The following SKAP2 variants were observed in gnomAD, a reference collection of about 807,000 sequenced individuals.
SKAP2 encodes src kinase-associated phosphoprotein 2.
SKAP2 carries 28 observed loss-of-function variants against 54.9 expected under a neutral mutation model. The ratio of observed to expected loss-of-function variants is 0.51; its 90% CI spans 0.38 to 0.70. The LOEUF is 0.70. SKAP2 is among the 30% of genes least tolerant of loss of function. SKAP2 has a pLI of 0.00. For missense variants in SKAP2, 356 were observed against 424.1 expected (o/e 0.84, Z 1.41); for synonymous variants, 137 against 134.3 (o/e 1.02, Z -0.14).
At position 26,667,739 on chromosome 7, in the gene SKAP2, T is replaced by C. The variant is rs1310179661; in HGVS notation, c.*1927A>G. ...GGGAAGGGTTTCAAGAGGTTTTGTC[T>C]GCAATGAAAAGCTGCTGCCATCTAC... On this transcript the variant is annotated 3_prime_UTR_variant, in exon 13 of 13. Transcript: ENST00000345317. 1 of 152,588 alleles carries C rather than the reference T, an allele frequency of 6.6e-6. No individual in the cohort carries two copies. The highest frequency in any genetic ancestry group is 6.6e-5 in the Admixed American group (1 of 15,266). The allele number at this position is 152,588 out of a possible 1,614,324, so 9.5% of individuals were successfully genotyped here. A position where few individuals can be genotyped will look rare whatever the true frequency, so the allele number is the denominator to read the frequency against.
At chr7:26,753,010 T>C (rs1476941829) in intron 4 of SKAP2, among the ~76,000 whole-genome samples, 1 of 152,222 alleles carries the variant, frequency 6.6e-6, no homozygotes, top group African/African-American at 2.4e-5. Flanking sequence ...TTGTTATCCA[T>C]ATAACTGAGT....
intron 4 of SKAP2, among the ~76,000 whole-genome samples, chr7:26,816,100 T>C (rs1784260130): frequency 6.6e-6 from 1 of 152,072 alleles, no homozygotes; most frequent in Non-Finnish European, 1.5e-5. Context: ...ACTTAACACG[T>C]TTTCTAACAA....
chr7:26,820,610 T>C (rs768409831), intron 4 of SKAP2, among the ~76,000 whole-genome samples: 1 of 152,122 alleles, frequency 6.6e-6, no homozygotes, highest in Non-Finnish European at 1.5e-5. Flanking sequence ...ATAAAAAAGA[T>C]CACAGAAATT....
At chr7:26,795,009 G>T (rs1690424664) in intron 4 of SKAP2, among the ~76,000 whole-genome samples, 1 of 152,178 alleles carries the variant, frequency 6.6e-6, no homozygotes, top group African/African-American at 2.4e-5. Context: ...GTTAATAGAG[G>T]TTTGGCACAA....
chr7:26,819,402 C>T (rs866450372), intron 4 of SKAP2, among the ~76,000 whole-genome samples: 1 of 151,970 alleles, frequency 6.6e-6, no homozygotes, highest in Non-Finnish European at 1.5e-5. Context: ...GAACATCACA[C>T]ACCTGCACCT....
At chr7:26,836,334 T>C (rs1234318661) in intron 4 of SKAP2, among the ~76,000 whole-genome samples, 1 of 152,190 alleles carries the variant, frequency 6.6e-6, no homozygotes, top group African/African-American at 2.4e-5. Context: ...AAAGCCAGAA[T>C]TGACAAATGC....
chr7:26,756,465 A>G (rs11979611), intron 4 of SKAP2, among the ~76,000 whole-genome samples: 16,015 of 152,164 alleles, frequency 0.11, 1,111 homozygotes, highest in African/African-American at 0.19. Context: ...GCTGAGAATG[A>G]TGGTTTCCAG....
At chr7:26,844,995 C>T (rs1784894826) in intron 3 of SKAP2, among the ~76,000 whole-genome samples, 1 of 152,096 alleles carries the variant, frequency 6.6e-6, no homozygotes, top group Non-Finnish European at 1.5e-5. Flanking sequence ...CAAATATTTG[C>T]TAGCCCAGTT....
chr7:26,843,908 G>A (rs1190010970), intron 4 of SKAP2, 122 bp downstream of exon 4: 4 of 618,622 alleles, frequency 6.5e-6, no homozygotes, highest in Non-Finnish European at 8.5e-6. Flanking sequence ...TCCTTAAAAG[G>A]TTTTGGTAAA....
At chr7:26,746,828 A>G (rs543022358) in intron 4 of SKAP2, 1 of 152,240 alleles carries the variant, frequency 6.6e-6, no homozygotes, top group Admixed American at 6.5e-5. Flanking sequence ...ATTATATCAA[A>G]TGTGGAAATT....
intron 4 of SKAP2, among the ~76,000 whole-genome samples, chr7:26,759,135 G>A (rs1261228839): frequency 1.3e-5 from 2 of 152,054 alleles, no homozygotes; most frequent in Non-Finnish European, 2.9e-5. Flanking sequence ...TTCCACCTGG[G>A]GAAATGAATT....
downstream of SKAP2, among the ~76,000 whole-genome samples, chr7:26,662,195 T>C (rs1786024498): frequency 6.6e-6 from 1 of 152,122 alleles, no homozygotes; most frequent in Admixed American, 6.6e-5. Context: ...GTAAAAGACG[T>C]TCACATTATT....
chr7:26,795,822 G>A (rs1303964052), intron 4 of SKAP2, among the ~76,000 whole-genome samples: 1 of 152,194 alleles, frequency 6.6e-6, no homozygotes, highest in African/African-American at 2.4e-5. Context: ...ATTAGTGGTT[G>A]TTAGGGGTTA....
chr7:26,751,870 G>A (rs1167232033), intron 4 of SKAP2, among the ~76,000 whole-genome samples: 1 of 138,156 alleles, frequency 7.2e-6, no homozygotes, highest in Non-Finnish European at 1.6e-5. Flanking sequence ...CTATCAGTGT[G>A]TATACACACA....
intron 4 of SKAP2, among the ~76,000 whole-genome samples, chr7:26,797,313 G>A (rs899507661): frequency 1.3e-5 from 2 of 152,204 alleles, no homozygotes; most frequent in Non-Finnish European, 2.9e-5. Context: ...GCCGCCACGG[G>A]GGTGCCTGTG....
At chr7:26,742,282 A>T (rs1241635149) in intron 4 of SKAP2, 2 of 152,174 alleles carry the variant, frequency 1.3e-5, no homozygotes, top group Non-Finnish European at 2.9e-5. Flanking sequence ...TCTTTACATA[A>T]GGAATGGATG....
Position 26,734,732 on chromosome 7 carries a change from C to T in SKAP2, c.469+4063G>A, listed in dbSNP as rs763433015. Among the ~76,000 whole-genome samples, 8 of 152,192 alleles carry T rather than the reference C, an allele frequency of 5.3e-5. No homozygotes were observed. The East Asian group carries it at 5.8e-4, about 11-fold the overall frequency. On this transcript the variant is annotated intron_variant, in intron 6 of 12. Coordinates refer to ENST00000345317, the MANE Select transcript of SKAP2 (RefSeq NM_003930.5). The stretch of plus-strand genomic sequence containing the variant: ...AGTTGAATGCTGTACCGTCACATGG[C>T]GGAAAGGCAAGAGAGGGGTTCCACA...
chr7:26,695,584 C>T (rs2127943673), intron 9 of SKAP2, among the ~76,000 whole-genome samples: 1 of 152,296 alleles, frequency 6.6e-6, no homozygotes, highest in African/African-American at 2.4e-5. Context: ...CTTCAATTTA[C>T]AGGTGGATTG....
chr7:26,654,915 G>A, the SKAP2 span, among the ~76,000 whole-genome samples: 17 of 152,236 alleles, frequency 1.1e-4, no homozygotes, highest in Admixed American at 5.2e-4. Flanking sequence ...CAGAAGTGGC[G>A]ACTACTAGTT....
Sources: gnomAD v4.1 joint callset for allele counts (sites outside exome capture counted in the v4.1 genomes callset) on GRCh38, gnomAD v4.1.1 for gene constraint, MANE v1.5 for transcripts, NCBI Gene and HGNC (gene_info 2026-07-23, HGNC 2026-07-21) for gene names.